The following FRMD4B variants were observed in gnomAD, a reference collection of about 807,000 sequenced individuals.
The protein encoded by FRMD4B is FERM domain-containing protein 4B.
A neutral mutation model predicts 141.5 loss-of-function variants in FRMD4B; 74 were observed. The ratio of observed to expected loss-of-function variants is 0.52; its 90% CI spans 0.43 to 0.63. FRMD4B has a LOEUF of 0.63. Ranked by LOEUF, FRMD4B falls within the 30% of genes least tolerant of loss-of-function variation. FRMD4B has a pLI of 0.00. For missense variants in FRMD4B, 1,366 were observed against 1,253.4 expected (o/e 1.09, Z -1.36); for synonymous variants, 506 against 467.9 (o/e 1.08, Z -1.05).
intron 1 of FRMD4B, among the ~76,000 whole-genome samples, chr3:69,466,247 T>C (rs1282603742): frequency 1.3e-5 from 2 of 152,194 alleles, no homozygotes; most frequent in African/African-American, 2.4e-5. Flanking sequence ...TGTTTGTTTT[T>C]TTCTTGTAAA....
chr3:69,485,516 C>G (rs1023990293), intron 1 of FRMD4B, among the ~76,000 whole-genome samples: 8 of 152,204 alleles, frequency 5.3e-5, no homozygotes, highest in Non-Finnish European at 1.0e-4. Context: ...GCAAGGGGTG[C>G]CTGGGTTGCA....
At chr3:69,218,765 T>C (rs921559563) in intron 9 of FRMD4B, among the ~76,000 whole-genome samples, 4 of 152,220 alleles carry the variant, frequency 2.6e-5, no homozygotes, top group Admixed American at 2.0e-4. Flanking sequence ...CTATGCCATA[T>C]ATTGCTTGTG....
chr3:69,224,757 A>C, intron 7 of FRMD4B, 67 bp from the exon 8 acceptor site: 1 of 759,202 alleles, frequency 1.3e-6, no homozygotes, highest in Non-Finnish European at 2.3e-6. Flanking sequence ...GCCGGTCACC[A>C]AATGAATTAG....
At chr3:69,201,724 G>A (rs1295216416) in intron 11 of FRMD4B, among the ~76,000 whole-genome samples, 1 of 152,196 alleles carries the variant, frequency 6.6e-6, no homozygotes, top group Non-Finnish European at 1.5e-5. Context: ...CCAGGATGCA[G>A]CTCTACAAAC....
At chr3:69,327,275 C>T (rs1054993785) in intron 1 of FRMD4B, among the ~76,000 whole-genome samples, 7 of 152,148 alleles carry the variant, frequency 4.6e-5, no homozygotes, top group African/African-American at 1.7e-4. Context: ...CTGCGTCTTT[C>T]AAAGACTTAA....
At chr3:69,408,849 G>A (rs980361208) in intron 2 of FRMD4B, among the ~76,000 whole-genome samples, 1 of 152,110 alleles carries the variant, frequency 6.6e-6, no homozygotes, top group Non-Finnish European at 1.5e-5. Flanking sequence ...TGCACCTGGG[G>A]ACCACTGCTT....
intron 1 of FRMD4B, among the ~76,000 whole-genome samples, chr3:69,494,709 T>C (rs564443631): frequency 1.3e-5 from 2 of 152,070 alleles, no homozygotes; most frequent in Non-Finnish European, 2.9e-5. Flanking sequence ...CTGACCAACA[T>C]GGTGAAACCC....
intron 1 of FRMD4B, among the ~76,000 whole-genome samples, chr3:69,357,336 C>T (rs1703352452): frequency 6.6e-6 from 1 of 152,232 alleles, no homozygotes; most frequent in South Asian, 2.1e-4. Context: ...AGATACAAGG[C>T]AGGGCTTAAC....
chr3:69,488,228 A>G (rs1706249104), intron 1 of FRMD4B, among the ~76,000 whole-genome samples: 1 of 152,214 alleles, frequency 6.6e-6, no homozygotes, highest in South Asian at 2.1e-4. Context: ...TTCCAGTCCT[A>G]TAAGTAAACA....
intron 1 of FRMD4B, among the ~76,000 whole-genome samples, chr3:69,526,046 G>A (rs1040508154): frequency 6.6e-6 from 1 of 152,140 alleles, no homozygotes; most frequent in South Asian, 2.1e-4. Context: ...ACAGTGGCTT[G>A]CTTCCAACTG....
chr3:69,474,834 G>A (rs1196636159), intron 1 of FRMD4B, among the ~76,000 whole-genome samples: 1 of 152,148 alleles, frequency 6.6e-6, no homozygotes, highest in Non-Finnish European at 1.5e-5. Flanking sequence ...AAGACGGACT[G>A]TTTAACAACC....
chr3:69,455,304 G>A (rs1368843010), intron 1 of FRMD4B, among the ~76,000 whole-genome samples: 3 of 152,198 alleles, frequency 2.0e-5, no homozygotes, highest in Admixed American at 6.5e-5. Flanking sequence ...AATGTGGGAG[G>A]TTTGTTCTTT....
chr3:69,520,190 AATATATATATGATGGAAT>A (rs1700833379), intron 1 of FRMD4B, among the ~76,000 whole-genome samples: 1 of 103,804 alleles, frequency 9.6e-6, no homozygotes, highest in Admixed American at 9.9e-5. Context: ...TATATGATGG[AATATATATATGATGGAAT>A]ATATATATAT....
chr3:69,385,843 C>A lies in FRMD4B; in HGVS notation c.147G>T (p.Leu49=). Residue 49 remains leucine (L), a synonymous_variant, in exon 1 of 23, where the codon CTG becomes CTT. Coordinates refer to ENST00000398540, the MANE Select transcript of FRMD4B (RefSeq NM_015123.3). ...TCCAGCTCACCTGGTACACGTCCTG[C>A]AGCCCGCACCACGTCCGCAGCACCT... ...CHQVLRTWCG[L]QDVYQMTEGR... 1 of 1,589,164 alleles carries A rather than the reference C, an allele frequency of 6.3e-7. No individual in the cohort carries two copies. The highest frequency in any genetic ancestry group is 1.7e-5 in the Admixed American group (1 of 57,162).
chr3:69,537,556 G>C (rs1210666733), intron 1 of FRMD4B, among the ~76,000 whole-genome samples: 2 of 152,176 alleles, frequency 1.3e-5, no homozygotes, highest in Non-Finnish European at 2.9e-5. Flanking sequence ...CCCCTTGTAA[G>C]AGGTTTTGGG....
intron 1 of FRMD4B, among the ~76,000 whole-genome samples, chr3:69,515,955 C>A (rs889742491): frequency 2.0e-5 from 3 of 152,076 alleles, no homozygotes; most frequent in Admixed American, 2.0e-4. Context: ...CATGTCTTGG[C>A]CGGTTGCAGT....
At chr3:69,468,237 CCA>C (rs1705826827) in intron 1 of FRMD4B, among the ~76,000 whole-genome samples, 1 of 29,730 alleles carries the variant, frequency 3.4e-5, no homozygotes, top group East Asian at 1.7e-3. Context: ...TCATGAACTC[CCA>C]ACAATCATCA....
chr3:69,331,322 G>A (rs930613181), intron 1 of FRMD4B, among the ~76,000 whole-genome samples: 2 of 152,152 alleles, frequency 1.3e-5, no homozygotes, highest in African/African-American at 4.8e-5. Context: ...GGTGCAGCTG[G>A]CCACTCAGCC....
intron 4 of FRMD4B, chr3:69,292,984 A>T (rs1419154672): frequency 4.4e-6 from 2 of 452,882 alleles, no homozygotes; most frequent in South Asian, 3.1e-5. Flanking sequence ...TCGGCTTCAC[A>T]AGTGTAATTT....
Sources: gnomAD v4.1 joint callset for allele counts (sites outside exome capture counted in the v4.1 genomes callset) on GRCh38, gnomAD v4.1.1 for gene constraint, MANE v1.5 for transcripts, NCBI Gene and HGNC (gene_info 2026-07-23, HGNC 2026-07-21) for gene names.